Variants in SHISA9 observed in about 807,000 individuals in gnomAD.
SHISA9 encodes the protein protein shisa-9.
In SHISA9, 13 loss-of-function variants were observed where a neutral mutation model predicts 38.0. The observed-to-expected ratio is 0.34, with a 90% CI of 0.22 to 0.54. The LOEUF (loss-of-function observed/expected upper bound fraction) is 0.54. SHISA9 is among the 20% of genes least tolerant of loss of function. SHISA9 has a pLI of 0.91. For synonymous variants in SHISA9, 275 were observed against 242.0 expected, an observed-to-expected ratio of 1.14 and a Z score of -1.27; for missense variants, 538 against 575.8, an observed-to-expected ratio of 0.93 and a Z score of 0.67.
chr16:13,197,907 G>A (rs560054617), intron 2 of SHISA9, among the ~76,000 whole-genome samples: 3 of 152,296 alleles, frequency 2.0e-5, no homozygotes, highest in Admixed American at 1.3e-4. Flanking sequence ...TATGCGGGCC[G>A]GGCGAGGTGG....
intron 4 of SHISA9, among the ~76,000 whole-genome samples, chr16:13,224,147 G>T (rs770832588): frequency 6.6e-6 from 1 of 152,214 alleles, no homozygotes; most frequent in Admixed American, 6.5e-5. Context: ...TAAGAAAGGT[G>T]AGCAATTACT....
chr16:13,440,146 A>G, the SHISA9 span, among the ~76,000 whole-genome samples: 81 of 152,310 alleles, frequency 5.3e-4, 2 homozygotes, highest in South Asian at 0.017. Flanking sequence ...CACAGAATCC[A>G]TGAATTTGAA....
At chr16:13,438,875 T>C in the SHISA9 span, among the ~76,000 whole-genome samples, 1 of 152,076 alleles carries the variant, frequency 6.6e-6, no homozygotes, top group Non-Finnish European at 1.5e-5. Flanking sequence ...CAAAATGAGG[T>C]CCGCTCCATC....
chr16:13,041,759 G>C (rs2073134225), intron 2 of SHISA9, among the ~76,000 whole-genome samples: 1 of 152,184 alleles, frequency 6.6e-6, no homozygotes. Context: ...GCTCACTGGG[G>C]AAGGCTGATA....
At chr16:13,432,996 C>T in the SHISA9 span, among the ~76,000 whole-genome samples, 2,154 of 151,912 alleles carry the variant, frequency 0.014, 52 homozygotes, top group African/African-American at 0.047. Flanking sequence ...ATGAAATAAT[C>T]TGTACAGCAA....
intron 2 of SHISA9, among the ~76,000 whole-genome samples, chr16:13,094,397 G>A (rs926718402): frequency 6.6e-5 from 10 of 151,874 alleles, no homozygotes; most frequent in East Asian, 5.8e-4. Context: ...TAAATGTTGC[G>A]GAAATTACCG....
intron 2 of SHISA9, among the ~76,000 whole-genome samples, chr16:13,192,857 A>T (rs1358746730): frequency 1.3e-5 from 2 of 151,972 alleles, no homozygotes; most frequent in Non-Finnish European, 2.9e-5. Flanking sequence ...TCTGGGCTAC[A>T]GAGCAAGACT....
chr16:13,155,893 C>T (rs2050542314), intron 2 of SHISA9, among the ~76,000 whole-genome samples: 1 of 151,262 alleles, frequency 6.6e-6, no homozygotes, highest in Non-Finnish European at 1.5e-5. Flanking sequence ...AGGGAATGTG[C>T]TTGGAAACAG....
At chr16:13,137,367 A>C (rs573843268) in intron 2 of SHISA9, among the ~76,000 whole-genome samples, 2 of 151,902 alleles carry the variant, frequency 1.3e-5, no homozygotes, top group Non-Finnish European at 2.9e-5. Flanking sequence ...TAAAAGATCA[A>C]CTCACTTATT....
At chr16:13,101,497 A>G (rs187652231) in intron 2 of SHISA9, among the ~76,000 whole-genome samples, 7 of 152,382 alleles carry the variant, frequency 4.6e-5, no homozygotes, top group African/African-American at 1.7e-4. Context: ...GGTTAGTGCC[A>G]GGTAACCAAA....
intron 2 of SHISA9, among the ~76,000 whole-genome samples, chr16:12,997,410 G>GT (rs34930368): frequency 0.19 from 25,120 of 134,024 alleles, 2,789 homozygotes; most frequent in Middle Eastern, 0.28. Flanking sequence ...GCTTAACCTA[G>GT]TTTTTTTTTT....
intron 2 of SHISA9, among the ~76,000 whole-genome samples, chr16:12,938,217 C>A (rs951845830): frequency 6.6e-6 from 1 of 152,174 alleles, no homozygotes; most frequent in Admixed American, 6.5e-5. Flanking sequence ...GTATATTTTC[C>A]GATGGGTCAG....
At chr16:13,551,539 A>G in the SHISA9 span, among the ~76,000 whole-genome samples, 2 of 152,210 alleles carry the variant, frequency 1.3e-5, no homozygotes, top group Admixed American at 1.3e-4. Context: ...CATAGGACAC[A>G]AGCCCTTACA....
chr16:12,977,486 A>G (rs2072179162), intron 2 of SHISA9, among the ~76,000 whole-genome samples: 1 of 152,230 alleles, frequency 6.6e-6, no homozygotes, highest in Non-Finnish European at 1.5e-5. Flanking sequence ...AAAGGAATAG[A>G]AATCATTCTA....
chr16:13,553,864 C>G, the SHISA9 span, among the ~76,000 whole-genome samples: 1 of 152,160 alleles, frequency 6.6e-6, no homozygotes, highest in Non-Finnish European at 1.5e-5. Flanking sequence ...AATCTTCCAA[C>G]TGGGGAGGCC....
At chr16:13,541,376 G>A in the SHISA9 span, among the ~76,000 whole-genome samples, 2 of 152,168 alleles carry the variant, frequency 1.3e-5, no homozygotes, top group Non-Finnish European at 2.9e-5. Flanking sequence ...CTGTGTGAGA[G>A]CCAAGAAATC....
rs898403287 is a variant in SHISA9 at position 13,240,321 on chromosome 16, CATTT to C, written c.*4913_*4916del. 3 of 152,162 alleles carry C rather than the reference CATTT, an allele frequency of 2.0e-5. No homozygotes were observed. The highest frequency in any genetic ancestry group is 2.9e-5 in the Non-Finnish European group (2 of 68,030). The allele number at this position is 152,162 out of a possible 1,614,324, so 9.4% of individuals were successfully genotyped here. ...TCTTCCTACAATGAAGAAAAAAACA[CATTT>C]GTTTGTTTTCTAAGAATGTTTATTT... On this transcript the variant is annotated 3_prime_UTR_variant, in exon 5 of 5. Transcript: ENST00000558583.
chr16:13,342,095 G>A, the SHISA9 span, among the ~76,000 whole-genome samples: 2 of 152,074 alleles, frequency 1.3e-5, no homozygotes, highest in Non-Finnish European at 2.9e-5. Context: ...AGCTGCCATG[G>A]TCTGTCTCCA....
At chr16:13,403,699 A>C in the SHISA9 span, among the ~76,000 whole-genome samples, 1 of 152,314 alleles carries the variant, frequency 6.6e-6, no homozygotes, top group Non-Finnish European at 1.5e-5. Context: ...TCATCTTCTG[A>C]GTAGGTTGTG....
Sources: gnomAD v4.1 joint callset for allele counts (sites outside exome capture counted in the v4.1 genomes callset) on GRCh38, gnomAD v4.1.1 for gene constraint, MANE v1.5 for transcripts, NCBI Gene and HGNC (gene_info 2026-07-23, HGNC 2026-07-21) for gene names.